SLC41A2: variants seen among roughly 807,000 people sequenced by gnomAD.
The protein encoded by SLC41A2 is SLC41A1-like 1.
In SLC41A2, 32 loss-of-function variants were observed where a neutral mutation model predicts 58.3. That is an observed-to-expected ratio of 0.55 (90% CI 0.41 to 0.74). The LOEUF (loss-of-function observed/expected upper bound fraction) is 0.74, where lower values mean the gene tolerates loss of function less well. Ranked by LOEUF, SLC41A2 falls within the 30% of genes least tolerant of loss-of-function variation. The pLI is 0.00. For missense variants in SLC41A2, 514 were observed against 680.6 expected, an observed-to-expected ratio of 0.76 and a Z score of 2.72; for synonymous variants, 190 against 235.0, an observed-to-expected ratio of 0.81 and a Z score of 1.75.
chr12:104,890,651 A>C (rs1009229743), intron 4 of SLC41A2, among the ~76,000 whole-genome samples: 1 of 152,214 alleles, frequency 6.6e-6, no homozygotes, highest in African/African-American at 2.4e-5. Flanking sequence ...AAGAGAAAGC[A>C]AAGTCTGGGT....
chr12:104,879,019 A>G (rs572173347), intron 6 of SLC41A2, among the ~76,000 whole-genome samples: 9 of 152,242 alleles, frequency 5.9e-5, no homozygotes, highest in African/African-American at 1.4e-4. Context: ...CTGGTGTGAG[A>G]TGGTATCTCA....
chr12:104,805,802 G>A (rs953117250), intron 10 of SLC41A2, among the ~76,000 whole-genome samples: 7 of 152,118 alleles, frequency 4.6e-5, no homozygotes, highest in Non-Finnish European at 8.8e-5. Flanking sequence ...ACTTGTCAAG[G>A]AAAATTTCAG....
At chr12:104,914,220 G>A (rs1347139150) in intron 2 of SLC41A2, among the ~76,000 whole-genome samples, 7 of 152,052 alleles carry the variant, frequency 4.6e-5, no homozygotes, top group East Asian at 3.8e-4. Context: ...AGTTAGGTCC[G>A]AACAACCTAG....
chr12:104,829,204 A>G (rs2041957104), intron 10 of SLC41A2, among the ~76,000 whole-genome samples: 1 of 152,256 alleles, frequency 6.6e-6, no homozygotes, highest in African/African-American at 2.4e-5. Context: ...ATGCATATTC[A>G]TAGCAGCTTC....
At chr12:104,815,591 T>G (rs559586158) in intron 10 of SLC41A2, among the ~76,000 whole-genome samples, 39 of 152,268 alleles carry the variant, frequency 2.6e-4, no homozygotes, top group Non-Finnish European at 4.9e-4. Context: ...GTATATAGTG[T>G]GAAGAAAGAT....
intron 1 of SLC41A2, among the ~76,000 whole-genome samples, chr12:104,939,657 T>C (rs1428118238): frequency 6.6e-6 from 1 of 152,198 alleles, no homozygotes; most frequent in Non-Finnish European, 1.5e-5. Context: ...GGAAATCCAG[T>C]AGAGCTGAAA....
At chr12:104,927,920 A>G in intron 2 of SLC41A2, 53 bp downstream of exon 2, 1 of 1,476,038 alleles carries the variant, frequency 6.8e-7, no homozygotes, top group East Asian at 2.3e-5. Context: ...CATTTTAAAC[A>G]GAAATGGAAT....
At chr12:104,878,788 T>C (rs1021047466) in intron 6 of SLC41A2, among the ~76,000 whole-genome samples, 2 of 152,228 alleles carry the variant, frequency 1.3e-5, no homozygotes, top group Admixed American at 6.5e-5. Flanking sequence ...TGCATATGTC[T>C]TTATAGCAGC....
chr12:104,808,038 CT>C (rs774379751), intron 10 of SLC41A2, among the ~76,000 whole-genome samples: 1 of 152,092 alleles, frequency 6.6e-6, no homozygotes, highest in African/African-American at 2.4e-5. Flanking sequence ...TCCTCTTTTC[CT>C]TAATTAAATA....
chr12:104,936,834 T>C (rs978875086), intron 1 of SLC41A2, among the ~76,000 whole-genome samples: 9 of 152,204 alleles, frequency 5.9e-5, no homozygotes, highest in Non-Finnish European at 8.8e-5. Flanking sequence ...TTGAAAAAAG[T>C]ATATAGAATA....
chr12:104,820,718 T>G lies in SLC41A2; in HGVS notation c.1537-15381A>C, dbSNP rs1005185815. Among the ~76,000 whole-genome samples, 11 of 152,314 alleles carry G rather than the reference T, an allele frequency of 7.2e-5. No individual in the cohort carries two copies. In the East Asian group the frequency reaches 2.1e-3, roughly 29 times the overall value. On this transcript the variant is annotated intron_variant, in intron 10 of 10. Coordinates refer to ENST00000258538, the MANE Select transcript of SLC41A2 (RefSeq NM_001352171.3). ...GTGCAATGGTGCGATCTTGGCCCAC[T>G]GCAACCTCCCCCTCCTGGGTTCAAG...
chr12:104,956,905 A>G (rs1010057682), intron 1 of SLC41A2, among the ~76,000 whole-genome samples: 1 of 152,234 alleles, frequency 6.6e-6, no homozygotes, highest in African/African-American at 2.4e-5. Context: ...CCAGTAAAAA[A>G]GTAACAAGCC....
rs1447338600 is a variant in SLC41A2, at chr12:104,801,986, T to C, written c.*3166A>G. ...ATTTGAGTTTAAAACAATTCGAAGA[T>C]GGCAGAACCCCGTTATAAATGGGTA... On this transcript the variant is annotated 3_prime_UTR_variant, in exon 11 of 11. Transcript: ENST00000258538. Among the ~76,000 whole-genome samples, 1 of 152,068 alleles carries C rather than the reference T, an allele frequency of 6.6e-6. No homozygotes were observed. Among genetic ancestry groups the C allele is most frequent in the Non-Finnish European group, 1.5e-5 (1 of 68,030 alleles).
At chr12:104,950,233 T>C (rs1273092252) in intron 1 of SLC41A2, among the ~76,000 whole-genome samples, 1 of 152,144 alleles carries the variant, frequency 6.6e-6, no homozygotes, top group East Asian at 1.9e-4. Flanking sequence ...TGAATTGTAA[T>C]CCCCATAATC....
intron 3 of SLC41A2, among the ~76,000 whole-genome samples, chr12:104,904,394 T>C (rs1310977883): frequency 6.6e-6 from 1 of 152,236 alleles, no homozygotes; most frequent in Non-Finnish European, 1.5e-5. Flanking sequence ...CTTCATTCTC[T>C]TCTCCCGCCA....
At chr12:104,892,563 G>A (rs1162386121) in intron 4 of SLC41A2, among the ~76,000 whole-genome samples, 1 of 151,766 alleles carries the variant, frequency 6.6e-6, no homozygotes, top group Admixed American at 6.6e-5. Context: ...ACTATCCTAA[G>A]CAAAAAGAAC....
At chr12:104,845,728 A>C in intron 9 of SLC41A2, 115 bp downstream of exon 9, 1 of 1,065,282 alleles carries the variant, frequency 9.4e-7, no homozygotes, top group South Asian at 2.3e-5. Context: ...AGCTCTCAGA[A>C]ATCGGAAAGT....
intron 1 of SLC41A2, among the ~76,000 whole-genome samples, chr12:104,949,799 C>T (rs1232637440): frequency 6.6e-6 from 1 of 152,106 alleles, no homozygotes; most frequent in African/African-American, 2.4e-5. Context: ...GTCAGGCTGG[C>T]CTCGAACTCC....
rs558831380 is a variant in SLC41A2, at chr12:104,954,681, A to G, written c.-168+3407T>C. Among the ~76,000 whole-genome samples, 6 of 152,358 alleles carry G rather than the reference A, an allele frequency of 3.9e-5. No individual in the cohort carries two copies. The South Asian group carries it at 1.2e-3, about 32-fold the overall frequency. Reference sequence around the variant, plus strand: ...TTATAAACCCGAAATTACCAGCCTCATTCTTCTAAATAAAGGCAGTGGCAT... The same window carrying G: ...TTATAAACCCGAAATTACCAGCCTCGTTCTTCTAAATAAAGGCAGTGGCAT... On this transcript the variant is annotated intron_variant, in intron 1 of 10. Transcript: ENST00000258538.
Sources: allele counts gnomAD v4.1 joint callset (sites outside exome capture counted in the v4.1 genomes callset), GRCh38; gene constraint gnomAD v4.1.1; transcripts MANE v1.5; gene names NCBI Gene and HGNC (gene_info 2026-07-23, HGNC 2026-07-21).